Variants in TTC4 observed in about 807,000 individuals in gnomAD.
TTC4 encodes tetratricopeptide repeat domain 4, also known as hsp70/Hsp90 co-chaperone CNS1 homolog.
A neutral mutation model predicts 51.9 loss-of-function variants in TTC4; 36 were observed. That is an observed-to-expected ratio of 0.69 (90% CI 0.53 to 0.92). The LOEUF (loss-of-function observed/expected upper bound fraction) is 0.92, where lower values mean the gene tolerates loss of function less well. Among genes scored for constraint, TTC4 ranks in the 40% least tolerant of loss-of-function variants. TTC4 has a pLI of 0.00. For synonymous variants in TTC4, 144 were observed against 164.2 expected (o/e 0.88, Z 0.94); for missense variants, 399 against 454.6 (o/e 0.88, Z 1.11).
intron 9 of TTC4, 100 bp downstream of exon 9, chr1:54,737,764 A>T: frequency 3.2e-6 from 4 of 1,247,604 alleles, no homozygotes; most frequent in Non-Finnish European, 4.4e-6. Context: ...TGGTCAGTTT[A>T]TAAAGAAAAG....
At chr1:54,733,745 T>A in intron 8 of TTC4, 35 bp downstream of exon 8, 3 of 1,210,324 alleles carry the variant, frequency 2.5e-6, no homozygotes, top group Non-Finnish European at 3.4e-6. Flanking sequence ...TCTATGGAAT[T>A]AATTTTTTTT....
chr1:54,731,850 G>A, intron 7 of TTC4, 150 bp downstream of exon 7: 1 of 708,494 alleles, frequency 1.4e-6, no homozygotes. Flanking sequence ...TCTCTATCCT[G>A]TAGCTGACTG....
intron 5 of TTC4, 27 bp downstream of exon 5, chr1:54,722,826 C>A: frequency 6.4e-7 from 1 of 1,565,360 alleles, no homozygotes; most frequent in Non-Finnish European, 8.6e-7. Flanking sequence ...AACCAATTAG[C>A]ATTTGCTAAT....
At chr1:54,721,358 G>A (rs563660968) in intron 4 of TTC4, 118 bp downstream of exon 4, 1 of 808,288 alleles carries the variant, frequency 1.2e-6, no homozygotes, top group Non-Finnish European at 1.9e-6. Context: ...CTTATCAACA[G>A]CAACATGCCA....
At chr1:54,717,919 A>G (rs1209048648) in intron 3 of TTC4, among the ~76,000 whole-genome samples, 1 of 152,090 alleles carries the variant, frequency 6.6e-6, no homozygotes, top group East Asian at 1.9e-4. Context: ...ATGTTCTGAG[A>G]TTTTTGAGCC....
At position 54,717,589 on chromosome 1, in the gene TTC4, A is replaced by T; in HGVS notation, c.327A>T (p.Lys109Asn). 1 of 1,612,466 alleles carries T rather than the reference A, an allele frequency of 6.2e-7. No homozygotes were observed. Among genetic ancestry groups the T allele is most frequent in the Non-Finnish European group, 8.5e-7 (1 of 1,179,430 alleles). ...CATACACTGAAGGCTTAAAGAAGAAATGTGCAGATCCTGATTTGAATGCTG... is the reference window on the plus strand; with the variant it reads ...CATACACTGAAGGCTTAAAGAAGAATTGTGCAGATCCTGATTTGAATGCTG... Reference protein sequence around the residue: ...VISYTEGLKKKCADPDLNAVL... With the variant: ...VISYTEGLKKNCADPDLNAVL... Residue 109 changes from lysine to asparagine, a missense_variant, in exon 3 of 10, where the codon AAA (lysine) becomes AAT (asparagine). Lys to Asn is a moderately conservative substitution (Grantham distance 94). Coordinates refer to ENST00000371281, the MANE Select transcript of TTC4 (RefSeq NM_004623.5).
intron 8 of TTC4, 58 bp from the exon 9 acceptor site, chr1:54,737,524 T>C (rs1346596697): frequency 1.2e-5 from 19 of 1,539,658 alleles, no homozygotes; most frequent in Non-Finnish European, 1.6e-5. Context: ...GGGCTTAGCC[T>C]CAACTAAGGC....
rs1646019029 is a variant in TTC4, at chr1:54,742,152, T to C, written c.*639T>C. ...GCCATATGGAGGACTGTGACAGACT[T>C]TGGACAGTGGCCTCTTGAGTTCCTC... On this transcript the variant is annotated 3_prime_UTR_variant, in exon 10 of 10. Transcript: ENST00000371281. The C allele has an allele frequency of 8.3e-6, 1 of 119,798 alleles. No homozygotes were observed. The highest frequency in any genetic ancestry group is 3.1e-4 in the South Asian group (1 of 3,190). 7.4% of individuals were successfully genotyped at this position (119,798 alleles called of 1,614,324 possible).
chr1:54,733,131 TGTCA>T, intron 7 of TTC4, among the ~76,000 whole-genome samples: 1 of 150,736 alleles, frequency 6.6e-6, no homozygotes, highest in African/African-American at 2.5e-5. Flanking sequence ...AAGAAAATCC[TGTCA>T]GTCAGGTGCA....
intron 3 of TTC4, among the ~76,000 whole-genome samples, chr1:54,720,518 T>G (rs1157624408): frequency 1.3e-5 from 2 of 151,240 alleles, no homozygotes; most frequent in South Asian, 4.2e-4. Context: ...TAAATAGGCT[T>G]CCTCTATACT....
intron 8 of TTC4, 36 bp downstream of exon 8, chr1:54,733,746 AATTTTTTT>A (rs752614871): frequency 1.2e-4 from 128 of 1,078,666 alleles, no homozygotes; most frequent in South Asian, 3.2e-4. Context: ...CTATGGAATT[AATTTTTTT>A]TTTTTTTTTT....
intron 8 of TTC4, among the ~76,000 whole-genome samples, chr1:54,736,156 A>G (rs1645929651): frequency 7.2e-6 from 1 of 138,416 alleles, no homozygotes; most frequent in African/African-American, 3.1e-5. Context: ...TGGGGGAGAA[A>G]GAGAGAGAAA....
At chr1:54,737,766 AAAG>A (rs1381733840) in intron 9 of TTC4, 102 bp downstream of exon 9, 6 of 1,226,226 alleles carry the variant, frequency 4.9e-6, no homozygotes, top group Non-Finnish European at 5.6e-6. Context: ...GTCAGTTTAT[AAAG>A]AAAAGAGGTT....
At chr1:54,716,250 A>G in intron 1 of TTC4, 2 of 558,954 alleles carry the variant, frequency 3.6e-6, no homozygotes, top group South Asian at 2.2e-5. Context: ...CTCTGATATG[A>G]GTCAGTTACT....
At chr1:54,718,351 C>T (rs1645701054) in intron 3 of TTC4, among the ~76,000 whole-genome samples, 1 of 151,986 alleles carries the variant, frequency 6.6e-6, no homozygotes, top group South Asian at 2.1e-4. Context: ...AAAGTGAGAC[C>T]CTGTTTCTAA....
chr1:54,731,689 T>C lies in TTC4; in HGVS notation c.885T>C (p.His295=), dbSNP rs748263362. Residue 295 remains histidine (H), a synonymous_variant, in exon 7 of 10, where the codon CAT becomes CAC. Coordinates refer to ENST00000371281, the MANE Select transcript of TTC4 (RefSeq NM_004623.5). ...YAQSDFISAF[H]EDSRFIDHLM... ...AGTCGGACTTCATCTCTGCTTTTCA[T>C]GAGGACTCCAGGTACTGACTTGCCC... 3 of 1,614,040 alleles carry C rather than the reference T, an allele frequency of 1.9e-6. No individual in the cohort carries two copies. Among genetic ancestry groups the C allele is most frequent in the East Asian group, 2.2e-5 (1 of 44,868 alleles).
chr1:54,740,241 A>AGTG (rs1645996520), intron 9 of TTC4, among the ~76,000 whole-genome samples: 2 of 152,186 alleles, frequency 1.3e-5, no homozygotes. Context: ...TGAGGCCTGA[A>AGTG]GTAGGAGGAG....
At position 54,736,232 on chromosome 1, in the gene TTC4, G is replaced by T. The variant is rs1557753041; in HGVS notation, c.979-1350G>T. Among the ~76,000 whole-genome samples, 58 of 134,142 alleles carry T rather than the reference G, an allele frequency of 4.3e-4. 3 individuals carry two copies. Among genetic ancestry groups the T allele is most frequent in the African/African-American group, 1.7e-3 (54 of 31,652 alleles). 88.0% of individuals were successfully genotyped at this position (134,142 alleles called of 152,430 possible). On this transcript the variant is annotated intron_variant, in intron 8 of 9. Transcript: ENST00000371281. ...AGAGAGAGAGAGAGAGAAGAGGAGA[G>T]GAGAGAGAAGAGAGGAGAGAGGAGA... is the stretch of plus-strand genomic sequence containing the variant.
At chr1:54,739,692 A>T (rs1645989042) in intron 9 of TTC4, among the ~76,000 whole-genome samples, 1 of 152,222 alleles carries the variant, frequency 6.6e-6, no homozygotes. Context: ...AGCAGAGAAA[A>T]GCAGATGCTT....
Sources: allele counts gnomAD v4.1 joint callset (sites outside exome capture counted in the v4.1 genomes callset), GRCh38; gene constraint gnomAD v4.1.1; transcripts MANE v1.5; gene names NCBI Gene and HGNC (gene_info 2026-07-23, HGNC 2026-07-21).